ARHGEF3: variants seen among roughly 807,000 people sequenced by gnomAD.
ARHGEF3 encodes 59.8 kDA protein.
A neutral mutation model predicts 63.2 loss-of-function variants in ARHGEF3; 28 were observed. That is an observed-to-expected ratio of 0.44 (90% CI 0.33 to 0.61). The LOEUF is 0.61. Ranked by LOEUF, ARHGEF3 falls within the 20% of genes least tolerant of loss-of-function variation. The pLI is 0.03. For synonymous variants in ARHGEF3, 266 were observed against 254.2 expected (o/e 1.05, Z -0.44); for missense variants, 533 against 659.3 (o/e 0.81, Z 2.10).
intron 2 of ARHGEF3, among the ~76,000 whole-genome samples, chr3:57,010,441 A>G (rs184242502): frequency 1.6e-4 from 23 of 146,386 alleles, no homozygotes; most frequent in East Asian, 4.2e-4. Context: ...GGGTGACAGA[A>G]CGAGACTCCA....
chr3:56,948,513 A>T (rs1405451350), intron 3 of ARHGEF3, among the ~76,000 whole-genome samples: 10 of 152,216 alleles, frequency 6.6e-5, no homozygotes, highest in Non-Finnish European at 1.5e-4. Flanking sequence ...CTACGCAAAT[A>T]AACTAGAAAA....
intron 9 of ARHGEF3, among the ~76,000 whole-genome samples, chr3:56,730,582 T>C (rs1331916120): frequency 6.6e-6 from 1 of 152,266 alleles, no homozygotes; most frequent in East Asian, 1.9e-4. Flanking sequence ...GGTTTTGCCA[T>C]GTTGGCTAGG....
In ARHGEF3 at chr3:56,975,218, G is replaced by C. The variant is rs191348270; in HGVS notation, c.63-16329C>G. Among the ~76,000 whole-genome samples the C allele has an allele frequency of 4.6e-5, 7 of 152,260 alleles. No homozygotes were observed. The South Asian group carries it at 1.2e-3, about 27-fold the overall frequency. On this transcript the variant is annotated intron_variant, in intron 2 of 12. Coordinates refer to the ARHGEF3 transcript ENST00000338458. ...GGATCATTTGAGGTCAGGAGTATGA[G>C]ACTAGCTTGGCCAACATGGTGAAAT...
chr3:56,956,719 G>C (rs946000534), intron 3 of ARHGEF3, among the ~76,000 whole-genome samples: 4 of 152,090 alleles, frequency 2.6e-5, no homozygotes, highest in Admixed American at 6.6e-5. Context: ...CACAAGCCTT[G>C]GCTAATGACC....
intron 7 of ARHGEF3, among the ~76,000 whole-genome samples, chr3:56,741,395 G>A (rs1339925580): frequency 1.3e-5 from 2 of 151,024 alleles, no homozygotes. Context: ...TGTTGGTCAG[G>A]CTGGTCTCGA....
At chr3:56,973,309 G>A (rs1431744576) in intron 2 of ARHGEF3, among the ~76,000 whole-genome samples, 3 of 152,138 alleles carry the variant, frequency 2.0e-5, no homozygotes, top group African/African-American at 7.2e-5. Context: ...GAGCCACCGC[G>A]CCTGGCATGA....
chr3:56,915,788 A>G (rs17057445), intron 3 of ARHGEF3, among the ~76,000 whole-genome samples: 21,179 of 152,212 alleles, frequency 0.14, 1,572 homozygotes, highest in Middle Eastern at 0.16. Flanking sequence ...TCCAACCAGC[A>G]TGAACTTCTA....
chr3:57,045,597 GCTCAACCCA>G lies in ARHGEF3; in HGVS notation c.-27-10430_-27-10422del, dbSNP rs1704418786. Reference sequence around the variant, plus strand: ...AGACACCCTGCTGAGGGCTTCAAATGCTCAACCCACTCAGCAATGTTGTCAGGAACTCTT... The same window carrying G: ...AGACACCCTGCTGAGGGCTTCAAATGCTCAGCAATGTTGTCAGGAACTCTT... On this transcript the variant is annotated intron_variant, in intron 1 of 12. Transcript: ENST00000338458. 2.6e-5 allele frequency among the ~76,000 whole-genome samples: 4 copies of G among 152,286 alleles called. No homozygotes were observed. The South Asian group carries it at 8.3e-4, about 32-fold the overall frequency.
intron 7 of ARHGEF3, among the ~76,000 whole-genome samples, chr3:56,742,755 G>A (rs1461053819): frequency 6.6e-6 from 1 of 152,200 alleles, no homozygotes; most frequent in Non-Finnish European, 1.5e-5. Flanking sequence ...GGTATACCAT[G>A]TTTCATGCAC....
At chr3:56,892,553 G>T (rs577467455) in intron 3 of ARHGEF3, among the ~76,000 whole-genome samples, 1 of 152,144 alleles carries the variant, frequency 6.6e-6, no homozygotes, top group South Asian at 2.1e-4. Flanking sequence ...CTTCACTGAT[G>T]CAATGATTTG....
At chr3:57,078,736 C>A (rs1706328289) in intron 1 of ARHGEF3, 1 of 152,462 alleles carries the variant, frequency 6.6e-6, no homozygotes, top group Admixed American at 6.5e-5. Flanking sequence ...GCGAAGTGAC[C>A]CGCGGCCCTG....
intron 4 of ARHGEF3, among the ~76,000 whole-genome samples, chr3:56,843,374 C>T (rs1233253378): frequency 6.6e-6 from 1 of 152,156 alleles, no homozygotes; most frequent in Non-Finnish European, 1.5e-5. Flanking sequence ...ATCCCCCTGC[C>T]TCAGCTCCCA....
intron 1 of ARHGEF3, among the ~76,000 whole-genome samples, chr3:56,799,051 T>C (rs1421008440): frequency 6.6e-6 from 1 of 152,266 alleles, no homozygotes; most frequent in African/African-American, 2.4e-5. Flanking sequence ...AAATACATTT[T>C]AAAAATATCA....
chr3:56,781,074 C>T (rs763026832), intron 1 of ARHGEF3, among the ~76,000 whole-genome samples: 6 of 152,114 alleles, frequency 3.9e-5, no homozygotes, highest in Admixed American at 6.5e-5. Flanking sequence ...AATTTAGAGA[C>T]ACACATGGAG....
At chr3:56,948,080 C>A (rs199754217) in intron 3 of ARHGEF3, among the ~76,000 whole-genome samples, 1 of 151,974 alleles carries the variant, frequency 6.6e-6, no homozygotes, top group African/African-American at 2.4e-5. Context: ...TTGAAACCAA[C>A]GAGAACAAAG....
intron 1 of ARHGEF3, among the ~76,000 whole-genome samples, chr3:56,792,118 G>GAAAAA (rs2037114329): frequency 1.5e-5 from 1 of 67,506 alleles, no homozygotes; most frequent in Non-Finnish European, 3.0e-5. Flanking sequence ...AAAAAAAAAA[G>GAAAAA]AAAAGAAAAG....
At chr3:56,747,418 T>C (rs1307394293) in intron 6 of ARHGEF3, among the ~76,000 whole-genome samples, 1 of 152,174 alleles carries the variant, frequency 6.6e-6, no homozygotes, top group African/African-American at 2.4e-5. Context: ...CCTGAAAGGC[T>C]ATCTGGTTCA....
rs148239368 is a variant in ARHGEF3 at position 57,032,671 on chromosome 3, G to A, written c.62+2417C>T. On this transcript the variant is annotated intron_variant, in intron 2 of 12. Coordinates refer to the ARHGEF3 transcript ENST00000338458. The stretch of plus-strand genomic sequence containing the variant: ...AACAGGCCAAGTGATCCACGCAGAG[G>A]CTGACATAGTAAATTCTCAAACTGT... 3.7e-3 allele frequency among the ~76,000 whole-genome samples: 561 copies of A among 152,362 alleles called. 7 individuals carry two copies. The highest frequency in any genetic ancestry group is 0.032 in the South Asian group (155 of 4,826).
intron 2 of ARHGEF3, among the ~76,000 whole-genome samples, chr3:57,026,393 T>C (rs1703475540): frequency 6.6e-6 from 1 of 152,012 alleles, no homozygotes; most frequent in Admixed American, 6.6e-5. Flanking sequence ...AGAGCGAGAC[T>C]CTGTCTCTTA....
Sources: gnomAD v4.1 joint callset for allele counts (sites outside exome capture counted in the v4.1 genomes callset) on GRCh38, gnomAD v4.1.1 for gene constraint, MANE v1.5 for transcripts, NCBI Gene and HGNC (gene_info 2026-07-23, HGNC 2026-07-21) for gene names.